The following PKD1L3 variants were observed in gnomAD, a reference collection of about 807,000 sequenced individuals.
PKD1L3 encodes polycystin-1-like protein 3.
PKD1L3 carries 239 observed loss-of-function variants against 184.1 expected under a neutral mutation model. The ratio of observed to expected loss-of-function variants is 1.30; its 90% CI spans 1.17 to 1.45. The LOEUF (loss-of-function observed/expected upper bound fraction) is 1.45. Ranked by LOEUF, PKD1L3 falls within the 40% of genes most tolerant of loss-of-function variation. The pLI is 0.00. For missense variants in PKD1L3, 2,660 were observed against 2,067.2 expected, an observed-to-expected ratio of 1.29 and a Z score of -5.56; for synonymous variants, 996 against 778.8, an observed-to-expected ratio of 1.28 and a Z score of -4.64.
rs1766134897 is a variant in PKD1L3 at position 72,000,399 on chromosome 16, T to C, written c.-421A>G. On this transcript the variant is annotated 5_prime_UTR_variant, in exon 1 of 30. Coordinates refer to ENST00000620267, the MANE Select transcript of PKD1L3 (RefSeq NM_181536.2). The stretch of plus-strand genomic sequence containing the variant: ...GTCAGGCTGGAGTGCAGTGGCATGA[T>C]CTCAGCTCACTGCGCCTCAACCTCC... Among the ~76,000 whole-genome samples the C allele has an allele frequency of 6.6e-6, 1 of 152,062 alleles. No individual in the cohort carries two copies. Among genetic ancestry groups the C allele is most frequent in the African/African-American group, 2.4e-5 (1 of 41,390 alleles).
chr16:71,946,355 G>A (rs2038603344), intron 22 of PKD1L3, among the ~76,000 whole-genome samples: 1 of 152,144 alleles, frequency 6.6e-6, no homozygotes, highest in African/African-American at 2.4e-5. Flanking sequence ...CCTGAATTCT[G>A]GAGTTTATCA....
At chr16:71,947,386 G>A in intron 22 of PKD1L3, 106 bp downstream of exon 22, 1 of 721,522 alleles carries the variant, frequency 1.4e-6, no homozygotes, top group East Asian at 2.7e-5. Flanking sequence ...TAACCAGTTG[G>A]TTAGAGACAA....
At chr16:71,972,088 T>C (rs1013259388) in intron 12 of PKD1L3, among the ~76,000 whole-genome samples, 11 of 151,944 alleles carry the variant, frequency 7.2e-5, no homozygotes, top group Admixed American at 3.9e-4. Context: ...CAGTGGTGGG[T>C]GCCTGTAGTC....
intron 24 of PKD1L3, 114 bp downstream of exon 24, chr16:71,942,446 T>A: frequency 1.2e-6 from 1 of 852,984 alleles, no homozygotes; most frequent in Non-Finnish European, 1.8e-6. Flanking sequence ...CAAATTTACC[T>A]CTCTTGTACT....
chr16:71,935,319 GAGGT>G (rs1283117616), intron 26 of PKD1L3, 35 bp downstream of exon 26: 1 of 1,525,174 alleles, frequency 6.6e-7, no homozygotes, highest in African/African-American at 1.4e-5. Context: ...CTTTAGACAT[GAGGT>G]AGGAATATGC....
chr16:71,980,587 A>G (rs1472566950), intron 7 of PKD1L3, among the ~76,000 whole-genome samples: 1 of 152,068 alleles, frequency 6.6e-6, no homozygotes, highest in African/African-American at 2.4e-5. Context: ...TAATCCCAAC[A>G]CTTTGGGAGG....
At chr16:71,947,724 T>C (rs1369751463) in intron 21 of PKD1L3, 133 bp from the exon 22 acceptor site, 1 of 622,270 alleles carries the variant, frequency 1.6e-6, no homozygotes, top group Non-Finnish European at 2.8e-6. Context: ...GAAAAACTAA[T>C]TTCACATTAA....
intron 29 of PKD1L3, 67 bp from the exon 30 acceptor site, chr16:71,929,745 A>T (rs1324640125): frequency 7.3e-6 from 10 of 1,374,712 alleles, no homozygotes; most frequent in African/African-American, 3.0e-5. Flanking sequence ...GGAGTAAAAA[A>T]AGTACCAAAG....
In PKD1L3 at chr16:71,950,149, G is replaced by A; in HGVS notation, c.3352C>T (p.His1118Tyr). Residue 1118 changes from histidine to tyrosine, a missense_variant, in exon 20 of 30, where the codon CAT becomes TAT. Physicochemically the swap from His to Tyr is moderately conservative, Grantham distance 83. Transcript: ENST00000620267. ...LQKLQELLETHILPTEQEPSR... is the reference protein window; with the variant it reads ...LQKLQELLETYILPTEQEPSR... Reference sequence around the variant, plus strand: ...GGCTCTTGCTCCGTGGGAAGAATATGTGTTTCCAAGAGTTCCTGGAGTTTT... The same window carrying A: ...GGCTCTTGCTCCGTGGGAAGAATATATGTTTCCAAGAGTTCCTGGAGTTTT... The A allele has an allele frequency of 6.4e-7, 1 of 1,552,204 alleles. No individual in the cohort carries two copies. Among genetic ancestry groups the A allele is most frequent in the Middle Eastern group, 1.7e-4 (1 of 5,998 alleles).
Position 71,977,295 on chromosome 16 carries a change from G to T in PKD1L3, c.1700C>A (p.Pro567His). Reference protein sequence around the residue: ...MTLYLGFQYQPNCTHFHLNIT... With the variant: ...MTLYLGFQYQHNCTHFHLNIT... Reference sequence around the variant, plus strand: ...GTTCAGGTGGAAGTGAGTGCAGTTAGGCTGATACTGGAACCCCAGGTAGAG... The same window carrying T: ...GTTCAGGTGGAAGTGAGTGCAGTTATGCTGATACTGGAACCCCAGGTAGAG... Residue 567 changes from proline to histidine, a missense_variant, in exon 11 of 30, where the codon CCT becomes CAT. Physicochemically the swap from Pro to His is moderately conservative, Grantham distance 77. Coordinates refer to ENST00000620267, the MANE Select transcript of PKD1L3 (RefSeq NM_181536.2). 6.5e-7 allele frequency: 1 copy of T among 1,542,546 alleles called. No homozygotes were observed.
chr16:71,933,560 C>A, intron 27 of PKD1L3, 39 bp from the exon 28 acceptor site: 2 of 1,408,416 alleles, frequency 1.4e-6, no homozygotes, highest in African/African-American at 2.9e-5. Context: ...GCAAGCCGAG[C>A]GCACATCTTT....
intron 13 of PKD1L3, among the ~76,000 whole-genome samples, chr16:71,969,540 G>A (rs961821456): frequency 1.4e-5 from 2 of 140,992 alleles, no homozygotes; most frequent in African/African-American, 5.4e-5. Flanking sequence ...TTGAACTCTT[G>A]AGCTCAAGTG....
intron 23 of PKD1L3, among the ~76,000 whole-genome samples, chr16:71,943,453 G>A (rs985904823): frequency 2.1e-5 from 3 of 141,726 alleles, no homozygotes; most frequent in African/African-American, 7.9e-5. Flanking sequence ...TAGGAGAATC[G>A]CTAGAACCCA....
In PKD1L3 at chr16:71,998,277, T is replaced by A. The variant is rs1198030157; in HGVS notation, c.413A>T (p.Gln138Leu). The change falls in exon 2 of 30, where the codon CAG becomes CTG. Residue 138 changes from glutamine (Q) to leucine (L), a missense_variant. Gln to Leu is a moderately radical substitution (Grantham distance 113). Coordinates refer to ENST00000620267, the MANE Select transcript of PKD1L3 (RefSeq NM_181536.2). Reference sequence around the variant, plus strand: ...CATGTAGCTTTATCACTTACCAGTCTGGCAAATGAAATAGTATTTCAGTAA... The same window carrying A: ...CATGTAGCTTTATCACTTACCAGTCAGGCAAATGAAATAGTATTTCAGTAA... The part of the protein sequence containing the change: ...KCLLKYYFIC[Q>L]TGDFLDGDAH... The A allele has an allele frequency of 6.4e-7, 1 of 1,551,872 alleles. No homozygotes were observed. Among genetic ancestry groups the A allele is most frequent in the African/African-American group, 1.4e-5 (1 of 73,028 alleles).
chr16:71,946,598 A>G (rs1030306165), intron 22 of PKD1L3, among the ~76,000 whole-genome samples: 1 of 151,762 alleles, frequency 6.6e-6, no homozygotes, highest in Admixed American at 6.6e-5. Context: ...GGCACTCTCC[A>G]GCATGGTGAC....
Position 71,930,192 on chromosome 16 carries a change from A to G in PKD1L3, c.4927-9T>C. On this transcript the variant is annotated splice_polypyrimidine_tract_variant and intron_variant, in intron 28 of 29. Coordinates refer to ENST00000620267, the MANE Select transcript of PKD1L3 (RefSeq NM_181536.2). ...GGGTCTAAAGCGAAAACCTGGGAAA[A>G]CAATAAGAACACTTGCAGTGACTGA... The G allele has an allele frequency of 1.3e-6, 2 of 1,538,574 alleles. No individual in the cohort carries two copies. The highest frequency in any genetic ancestry group is 1.2e-5 in the South Asian group (1 of 82,748).
intron 16 of PKD1L3, among the ~76,000 whole-genome samples, chr16:71,954,860 A>G (rs1487532368): frequency 6.6e-6 from 1 of 152,200 alleles, no homozygotes; most frequent in African/African-American, 2.4e-5. Context: ...GGAAGGTAGT[A>G]CAAAAGTGGG....
At chr16:71,977,557 G>GTT in intron 10 of PKD1L3, 90 bp from the exon 11 acceptor site, 1 of 671,622 alleles carries the variant, frequency 1.5e-6, no homozygotes, top group Non-Finnish European at 2.2e-6. Context: ...AAACGTCCTA[G>GTT]CTCTTTTTTT....
intron 12 of PKD1L3, among the ~76,000 whole-genome samples, chr16:71,970,859 T>G (rs186813549): frequency 2.8e-4 from 43 of 152,162 alleles, no homozygotes; most frequent in Middle Eastern, 6.8e-3. Flanking sequence ...ATGGATGAAT[T>G]AGAGGTAGAT....
Sources: allele counts gnomAD v4.1 joint callset (sites outside exome capture counted in the v4.1 genomes callset), GRCh38; gene constraint gnomAD v4.1.1; transcripts MANE v1.5; gene names NCBI Gene and HGNC (gene_info 2026-07-23, HGNC 2026-07-21).